TMEM132D: variants seen among roughly 807,000 people sequenced by gnomAD.
The protein encoded by TMEM132D is transmembrane protein 132D.
In TMEM132D, 21 loss-of-function variants were observed where a neutral mutation model predicts 62.3. The ratio of observed to expected loss-of-function variants is 0.34; its 90% CI spans 0.24 to 0.49. The LOEUF (loss-of-function observed/expected upper bound fraction) is 0.49, where lower values mean the gene tolerates loss of function less well. Among genes scored for constraint, TMEM132D ranks in the 20% least tolerant of loss-of-function variants. The pLI is 0.99. For missense variants in TMEM132D, 1,346 were observed against 1,402.8 expected, an observed-to-expected ratio of 0.96 and a Z score of 0.65; for synonymous variants, 621 against 575.6, an observed-to-expected ratio of 1.08 and a Z score of -1.13.
At chr12:129,525,067 A>G (rs1416794239) in intron 3 of TMEM132D, among the ~76,000 whole-genome samples, 2 of 148,266 alleles carry the variant, frequency 1.3e-5, no homozygotes, top group East Asian at 4.1e-4. Flanking sequence ...CTGGGACTAC[A>G]GGCGCCCGCC....
intron 3 of TMEM132D, among the ~76,000 whole-genome samples, chr12:129,471,050 A>T (rs1874079692): frequency 6.6e-6 from 1 of 152,146 alleles, no homozygotes; most frequent in Non-Finnish European, 1.5e-5. Context: ...CATGTTTATT[A>T]TCTGGATCTT....
chr12:129,509,299 T>G (rs1875429791), intron 3 of TMEM132D, among the ~76,000 whole-genome samples: 1 of 152,196 alleles, frequency 6.6e-6, no homozygotes, highest in Non-Finnish European at 1.5e-5. Flanking sequence ...TTAAATTTAT[T>G]GAATCACAAT....
intron 1 of TMEM132D, among the ~76,000 whole-genome samples, chr12:129,768,702 T>G (rs1020103278): frequency 6.6e-6 from 1 of 152,116 alleles, no homozygotes; most frequent in African/African-American, 2.4e-5. Context: ...CTGGGGAGCC[T>G]GATGGCCCTG....
chr12:129,292,257 A>C lies in TMEM132D; in HGVS notation c.1299+45377T>G, dbSNP rs143913880. On this transcript the variant is annotated intron_variant, in intron 4 of 8. Coordinates refer to ENST00000422113, the MANE Select transcript of TMEM132D (RefSeq NM_133448.3). ...ATAGGCAAGAAGCTTGGTCTTCATA[A>C]TAATATTTTCTCTGCTCTTTCCAAA... 3.4e-3 allele frequency among the ~76,000 whole-genome samples: 519 copies of C among 152,348 alleles called. 3 individuals are homozygous for C. The highest frequency in any genetic ancestry group is 4.6e-3 in the Non-Finnish European group (316 of 68,024).
At chr12:129,214,573 C>T (rs1879149773) in intron 4 of TMEM132D, among the ~76,000 whole-genome samples, 1 of 152,080 alleles carries the variant, frequency 6.6e-6, no homozygotes, top group African/African-American at 2.4e-5. Flanking sequence ...TTTTGGCTGC[C>T]CTTAATCTCT....
At chr12:129,454,044 C>T (rs1873384958) in intron 3 of TMEM132D, among the ~76,000 whole-genome samples, 2 of 152,154 alleles carry the variant, frequency 1.3e-5, no homozygotes, top group African/African-American at 4.8e-5. Flanking sequence ...CATGTTATGG[C>T]ACCACTTGGC....
rs191817110 is a variant in TMEM132D at position 129,369,898 on chromosome 12, T to C, written c.1116-32081A>G. Among the ~76,000 whole-genome samples, 306 of 152,314 alleles carry C rather than the reference T, an allele frequency of 2.0e-3. 2 individuals are homozygous for C. Among genetic ancestry groups the C allele is most frequent in the African/African-American group, 6.7e-3 (280 of 41,574 alleles). On this transcript the variant is annotated intron_variant, in intron 3 of 8. Transcript: ENST00000422113. ...CCTTGTCACACATATAAGGATATGGTACCGGGGAAGGGATCTCAAATTCAA... is the reference window on the plus strand; with the variant it reads ...CCTTGTCACACATATAAGGATATGGCACCGGGGAAGGGATCTCAAATTCAA...
At chr12:129,755,806 C>G (rs1359275347) in intron 1 of TMEM132D, among the ~76,000 whole-genome samples, 2 of 152,130 alleles carry the variant, frequency 1.3e-5, no homozygotes, top group Non-Finnish European at 2.9e-5. Context: ...TCCCAAGCAC[C>G]GGTAAAACCT....
intron 1 of TMEM132D, among the ~76,000 whole-genome samples, chr12:129,817,148 G>A (rs925566291): frequency 6.6e-6 from 1 of 152,328 alleles, no homozygotes; most frequent in Non-Finnish European, 1.5e-5. Flanking sequence ...AATATGCAAT[G>A]GCTGCAGTCA....
intron 2 of TMEM132D, among the ~76,000 whole-genome samples, chr12:129,637,707 G>A (rs1233401533): frequency 6.6e-6 from 1 of 152,180 alleles, no homozygotes; most frequent in Non-Finnish European, 1.5e-5. Context: ...AGTACAGGAA[G>A]CATGATGCTG....
At chr12:129,781,164 G>A (rs1261085211) in intron 1 of TMEM132D, among the ~76,000 whole-genome samples, 2 of 152,162 alleles carry the variant, frequency 1.3e-5, no homozygotes, top group South Asian at 2.1e-4. Context: ...CTTAATGATT[G>A]TACAGATGCT....
chr12:129,860,297 G>A (rs1284436580), intron 1 of TMEM132D, among the ~76,000 whole-genome samples: 6 of 152,218 alleles, frequency 3.9e-5, no homozygotes, highest in Non-Finnish European at 8.8e-5. Flanking sequence ...AATGTCATGG[G>A]AGACTCTAGG....
intron 1 of TMEM132D, among the ~76,000 whole-genome samples, chr12:129,810,221 T>TA (rs910263461): frequency 6.6e-6 from 1 of 152,018 alleles, no homozygotes; most frequent in Non-Finnish European, 1.5e-5. Flanking sequence ...AAGAAACCCA[T>TA]AAAAAATAAA....
chr12:129,231,608 T>C (rs751708939), intron 4 of TMEM132D, among the ~76,000 whole-genome samples: 48 of 152,206 alleles, frequency 3.2e-4, no homozygotes, highest in Non-Finnish European at 4.4e-4. Flanking sequence ...TAAGCCGGGC[T>C]TTGGCAGAAG....
At chr12:129,162,835 T>A (rs1877439003) in intron 5 of TMEM132D, among the ~76,000 whole-genome samples, 1 of 152,216 alleles carries the variant, frequency 6.6e-6, no homozygotes, top group African/African-American at 2.4e-5. Context: ...TGTTTCTTTA[T>A]AAATTACCCA....
intron 1 of TMEM132D, among the ~76,000 whole-genome samples, chr12:129,803,353 T>C (rs1414521202): frequency 4.6e-5 from 7 of 151,826 alleles, no homozygotes; most frequent in Middle Eastern, 6.8e-3. Context: ...CAGACCACAG[T>C]GCAATCAAAC....
chr12:129,618,067 T>C (rs1878969876), intron 2 of TMEM132D, among the ~76,000 whole-genome samples: 1 of 152,186 alleles, frequency 6.6e-6, no homozygotes, highest in African/African-American at 2.4e-5. Context: ...GGCAGTGTTA[T>C]GAGGACCAGA....
chr12:129,090,207 T>C (rs544762420), intron 5 of TMEM132D, among the ~76,000 whole-genome samples: 3 of 152,288 alleles, frequency 2.0e-5, no homozygotes, highest in South Asian at 2.1e-4. Context: ...TTAAATCTGA[T>C]TGAAAAGCTG....
At chr12:129,421,638 C>T (rs754054553) in intron 3 of TMEM132D, among the ~76,000 whole-genome samples, 2 of 152,212 alleles carry the variant, frequency 1.3e-5, no homozygotes, top group Non-Finnish European at 2.9e-5. Context: ...CCCTGATGTC[C>T]TAATGTTGAC....
Sources: allele counts gnomAD v4.1 joint callset (sites outside exome capture counted in the v4.1 genomes callset), GRCh38; gene constraint gnomAD v4.1.1; transcripts MANE v1.5; gene names NCBI Gene and HGNC (gene_info 2026-07-23, HGNC 2026-07-21).